Variants in MINDY2 observed in about 807,000 individuals in gnomAD.
MINDY2 encodes the protein ubiquitin carboxyl-terminal hydrolase MINDY-2.
Under a neutral mutation model 68.2 loss-of-function variants are expected in MINDY2, and 52 were observed. The ratio of observed to expected loss-of-function variants is 0.76; its 90% CI spans 0.61 to 0.96. MINDY2 has a LOEUF of 0.96. Ranked by LOEUF, MINDY2 falls within the 40% of genes least tolerant of loss-of-function variation. The pLI, the probability that MINDY2 is intolerant of heterozygous loss-of-function variation, is 0.00. For synonymous variants in MINDY2, 372 were observed against 303.0 expected (o/e 1.23, Z -2.36); for missense variants, 881 against 773.4 (o/e 1.14, Z -1.65).
chr15:58,854,579 A>T lies in MINDY2; in HGVS notation c.1835A>T (p.Glu612Val). The change falls in exon 9 of 9, where the codon GAA (glutamate) becomes GTA (valine). Residue 612 changes from glutamate to valine, a missense_variant. Coordinates refer to ENST00000559228, the MANE Select transcript of MINDY2 (RefSeq NM_001040450.3). ...KEPREKDKEK[E>V]KEKNSCVIL is the part of the protein sequence containing the mutation. ...CCACGAGAAAAAGATAAAGAAAAAG[A>T]AAAGGAAAAAAATAGCTGTGTTATT... The T allele has an allele frequency of 6.2e-7, 1 of 1,612,264 alleles. No homozygotes were observed. The highest frequency in any genetic ancestry group is 1.3e-5 in the African/African-American group (1 of 75,022).
At chr15:58,843,335 G>C (rs910936539) in intron 6 of MINDY2, among the ~76,000 whole-genome samples, 1 of 152,068 alleles carries the variant, frequency 6.6e-6, no homozygotes, top group Non-Finnish European at 1.5e-5. Flanking sequence ...ATTTTTAGTA[G>C]AGACGGGGTT....
intron 5 of MINDY2, 102 bp from the exon 6 acceptor site, chr15:58,831,672 A>G: frequency 2.0e-6 from 2 of 985,800 alleles, no homozygotes; most frequent in South Asian, 1.8e-5. Flanking sequence ...TATTATAATT[A>G]TTGGCCTTTT....
chr15:58,808,547 C>G (rs2029980870), intron 3 of MINDY2, among the ~76,000 whole-genome samples: 1 of 152,010 alleles, frequency 6.6e-6, no homozygotes, highest in Admixed American at 6.6e-5. Flanking sequence ...GATAGCTCAT[C>G]TCTATTTTTT....
At chr15:58,788,409 TCTC>T (rs1302134330) in intron 2 of MINDY2, among the ~76,000 whole-genome samples, 2 of 152,228 alleles carry the variant, frequency 1.3e-5, no homozygotes, top group Non-Finnish European at 2.9e-5. Context: ...GGTAGAATCT[TCTC>T]CTAGGATGTA....
chr15:58,826,303 T>C (rs2141009314), intron 5 of MINDY2, among the ~76,000 whole-genome samples: 1 of 151,016 alleles, frequency 6.6e-6, no homozygotes, highest in African/African-American at 2.4e-5. Context: ...AACCTTGGCT[T>C]ACCACAACCT....
chr15:58,772,559 T>TA (rs1900504089), intron 1 of MINDY2, among the ~76,000 whole-genome samples: 1 of 152,238 alleles, frequency 6.6e-6, no homozygotes, highest in South Asian at 2.1e-4. Flanking sequence ...ATTTTCTTAC[T>TA]GACCTTATCA....
intron 3 of MINDY2, among the ~76,000 whole-genome samples, chr15:58,807,884 A>G (rs1348534058): frequency 2.0e-5 from 3 of 152,036 alleles, no homozygotes; most frequent in Non-Finnish European, 4.4e-5. Flanking sequence ...ACTGGCATCT[A>G]CTTTGGAATG....
Position 58,771,869 on chromosome 15 carries a change from C to A in MINDY2, c.474C>A (p.Ser158Arg). ...SEEPSSAGGL[S>R]SSCSDPSPPG... ...AGCCCAGCAGCGCCGGCGGCCTCAG[C>A]AGCAGTTGCAGCGACCCGAGCCCTC... The change falls in exon 1 of 9, where the codon AGC becomes AGA. Residue 158 changes from serine (S) to arginine (R), a missense_variant. Transcript: ENST00000559228. 1 of 1,579,436 alleles carries A rather than the reference C, an allele frequency of 6.3e-7. No individual in the cohort carries two copies. Among genetic ancestry groups the A allele is most frequent in the Non-Finnish European group, 8.6e-7 (1 of 1,164,208 alleles).
rs188416319 is a variant in MINDY2 at position 58,773,568 on chromosome 15, A to G, written c.840+1333A>G. On this transcript the variant is annotated intron_variant, in intron 1 of 8. Transcript: ENST00000559228. ...AAGAAATAGTAAGTTATATGAGACA[A>G]GTGGTAGGTAAACTGTGGTAAATCT... Among the ~76,000 whole-genome samples the G allele has an allele frequency of 7.2e-5, 11 of 152,304 alleles. No individual in the cohort carries two copies. The East Asian group carries it at 1.7e-3, about 24-fold the overall frequency.
rs1459533955 is a variant in MINDY2 at position 58,858,293 on chromosome 15, T to C, written c.*3683T>C. 1 of 152,186 alleles carries C rather than the reference T, an allele frequency of 6.6e-6. No individual in the cohort carries two copies. Among genetic ancestry groups the C allele is most frequent in the African/African-American group, 2.4e-5 (1 of 41,462 alleles). The allele number at this position is 152,186 out of a possible 1,614,324, so 9.4% of individuals were successfully genotyped here. ...TCACATTTCTGATATTGACTACTTA[T>C]CCCATATTCTGTTTCAAATTCTTTA... On this transcript the variant is annotated 3_prime_UTR_variant, in exon 9 of 9. Transcript: ENST00000559228.
chr15:58,790,592 G>GGC (rs1901823354), intron 2 of MINDY2, among the ~76,000 whole-genome samples: 5 of 152,096 alleles, frequency 3.3e-5, no homozygotes, highest in African/African-American at 1.2e-4. Flanking sequence ...CCTTAGTGGG[G>GGC]GGTAAGACAA....
At chr15:58,822,692 G>C (rs1364219133) in intron 5 of MINDY2, among the ~76,000 whole-genome samples, 1 of 152,132 alleles carries the variant, frequency 6.6e-6, no homozygotes, top group Non-Finnish European at 1.5e-5. Context: ...CTGTGTTCCA[G>C]TCAATGATGA....
intron 4 of MINDY2, among the ~76,000 whole-genome samples, chr15:58,814,483 C>G (rs1291164557): frequency 1.3e-5 from 2 of 151,726 alleles, no homozygotes; most frequent in Non-Finnish European, 2.9e-5. Flanking sequence ...AACTCCTGAG[C>G]TCATGTGATC....
At chr15:58,802,187 G>T (rs1468710945) in intron 2 of MINDY2, 126 bp from the exon 3 acceptor site, 1 of 650,990 alleles carries the variant, frequency 1.5e-6, no homozygotes, top group African/African-American at 1.9e-5. Context: ...TAGGATTGGG[G>T]AGTCAATTTT....
chr15:58,840,906 G>A (rs2032248413), intron 6 of MINDY2, among the ~76,000 whole-genome samples: 1 of 147,468 alleles, frequency 6.8e-6, no homozygotes, highest in African/African-American at 2.5e-5. Context: ...CTGACCTCGT[G>A]ATCTGCCTGA....
At chr15:58,833,661 C>T (rs1037788665) in intron 6 of MINDY2, among the ~76,000 whole-genome samples, 2 of 152,134 alleles carry the variant, frequency 1.3e-5, no homozygotes, top group African/African-American at 2.4e-5. Flanking sequence ...TATACATAAA[C>T]ATCGCAATGC....
In MINDY2 at chr15:58,831,041, G is replaced by GTGTGTGTATATATATATATA. The variant is rs565786025; in HGVS notation, c.1226-732_1226-731insGTGTGTATATATATATATAT. Among the ~76,000 whole-genome samples, 412 of 124,832 alleles carry GTGTGTGTATATATATATATA rather than the reference G, an allele frequency of 3.3e-3. 1 individual carries two copies. Among genetic ancestry groups the GTGTGTGTATATATATATATA allele is most frequent in the Non-Finnish European group, 4.7e-3 (294 of 62,862 alleles). The allele number at this position is 124,832 out of a possible 152,430, so 81.9% of individuals were successfully genotyped here. A position where few individuals can be genotyped will look rare whatever the true frequency, so the allele number is the denominator to read the frequency against. On this transcript the variant is annotated intron_variant, in intron 5 of 8. Transcript: ENST00000559228. Reference sequence around the variant, plus strand: ...TGTGTGTGTGTGTGTGTGTGTGTGTGTATATATATATATATATATGTTTTA... The same window carrying GTGTGTGTATATATATATATA: ...TGTGTGTGTGTGTGTGTGTGTGTGTGTGTGTGTATATATATATATATATATATATATATATATATGTTTTA...
intron 6 of MINDY2, among the ~76,000 whole-genome samples, chr15:58,835,767 G>C (rs539886194): frequency 6.6e-6 from 1 of 152,252 alleles, no homozygotes; most frequent in African/African-American, 2.4e-5. Context: ...TGTATGCAAA[G>C]GCCCTGAGGA....
At chr15:58,786,217 C>G (rs766293485) in intron 1 of MINDY2, among the ~76,000 whole-genome samples, 2 of 152,090 alleles carry the variant, frequency 1.3e-5, no homozygotes, top group Non-Finnish European at 2.9e-5. Context: ...AACGTAAACA[C>G]CTAGAGGACC....
Sources: allele counts gnomAD v4.1 joint callset (sites outside exome capture counted in the v4.1 genomes callset), GRCh38; gene constraint gnomAD v4.1.1; transcripts MANE v1.5; gene names NCBI Gene and HGNC (gene_info 2026-07-23, HGNC 2026-07-21).